Variants in DPP3 observed in about 807,000 individuals in gnomAD.
The protein encoded by DPP3 is dipeptidyl peptidase 3, also known as DPP III.
DPP3 carries 64 observed loss-of-function variants against 89.8 expected under a neutral mutation model. The observed-to-expected ratio is 0.71, with a 90% CI of 0.58 to 0.88. The LOEUF (loss-of-function observed/expected upper bound fraction) is 0.88, where lower values mean the gene tolerates loss of function less well. DPP3 is among the 40% of genes least tolerant of loss of function. The probability of loss-of-function intolerance (pLI) is 0.00; values close to 1 mark genes in which losing one functional copy is unlikely to be tolerated. For missense variants in DPP3, 835 were observed against 972.5 expected (o/e 0.86, Z 1.88); for synonymous variants, 377 against 404.3 (o/e 0.93, Z 0.81).
intron 12 of DPP3, 90 bp from the exon 13 acceptor site, chr11:66,495,116 C>T: frequency 3.7e-6 from 6 of 1,601,808 alleles, no homozygotes; most frequent in Non-Finnish European, 5.1e-6. Flanking sequence ...CGCTTGCCTT[C>T]CTGAGCCACT....
At chr11:66,482,755 G>A (rs2134715652) in intron 2 of DPP3, among the ~76,000 whole-genome samples, 1 of 152,344 alleles carries the variant, frequency 6.6e-6, no homozygotes, top group Middle Eastern at 3.4e-3. Context: ...GAGATTCAGG[G>A]AAGGCAGAAG....
At position 66,500,173 on chromosome 11, in the gene DPP3, G is replaced by A. The variant is rs1855644722; in HGVS notation, c.1878+2696G>A. Among the ~76,000 whole-genome samples, 2 of 152,226 alleles carry A rather than the reference G, an allele frequency of 1.3e-5. 1 individual carries two copies. The highest frequency in any genetic ancestry group is 3.9e-4 in the East Asian group (2 of 5,178). ...GTTCGAGACCAGCCTGGCCAACATGGTGAAACCTGTCTCTACCAAAAACAT... is the reference window on the plus strand; with the variant it reads ...GTTCGAGACCAGCCTGGCCAACATGATGAAACCTGTCTCTACCAAAAACAT... On this transcript the variant is annotated intron_variant, in intron 16 of 17. Transcript: ENST00000531863.
At chr11:66,503,535 TAGTC>T (rs1052949861) in intron 16 of DPP3, among the ~76,000 whole-genome samples, 19 of 152,288 alleles carry the variant, frequency 1.2e-4, no homozygotes, top group African/African-American at 4.3e-4. Flanking sequence ...CAGAGTGTCT[TAGTC>T]TGTCTTGTGC....
At position 66,491,239 on chromosome 11, in the gene DPP3, C is replaced by G. The variant is rs758296404; in HGVS notation, c.668-14C>G. 6.2e-7 allele frequency: 1 copy of G among 1,612,496 alleles called. No individual in the cohort carries two copies. Among genetic ancestry groups the G allele is most frequent in the African/African-American group, 1.3e-5 (1 of 74,964 alleles). On this transcript the variant is annotated splice_polypyrimidine_tract_variant and intron_variant, in intron 6 of 17. Coordinates refer to ENST00000531863, the MANE Select transcript of DPP3 (RefSeq NM_130443.4). Reference sequence around the variant, plus strand: ...CTCCAGCCTTTTCTCTTGAATGACACCTTCTTTCCCCAGAGCCTTCCCTGG... The same window carrying G: ...CTCCAGCCTTTTCTCTTGAATGACAGCTTCTTTCCCCAGAGCCTTCCCTGG...
intron 17 of DPP3, 105 bp from the exon 18 acceptor site, chr11:66,508,974 G>C: frequency 6.9e-7 from 1 of 1,449,314 alleles, no homozygotes; most frequent in Non-Finnish European, 9.3e-7. Context: ...GCAGAGCTCA[G>C]TAAGAAACAG....
rs750216926 is a variant in DPP3, at chr11:66,482,482, T to A, written c.270+12T>A. On this transcript the variant is annotated intron_variant, in intron 2 of 17. Transcript: ENST00000531863. ...AGGAGGAGTATCAGGTCAGTTCTCT[T>A]GGGCCAACCCACATTACCTGAGTGG... 4 of 1,599,742 alleles carry A rather than the reference T, an allele frequency of 2.5e-6. No individual in the cohort carries two copies. In the African/African-American group the frequency reaches 5.3e-5, roughly 21 times the overall value.
At chr11:66,480,653 G>C (rs1855048647) in intron 1 of DPP3, 188 bp downstream of exon 1, 2 of 595,632 alleles carry the variant, frequency 3.4e-6, no homozygotes, top group South Asian at 7.5e-5. Flanking sequence ...CGAACCTCGA[G>C]GCTGTGCTAT....
At chr11:66,482,506 G>A (rs768800260) in intron 2 of DPP3, 36 bp downstream of exon 2, 1 of 1,586,416 alleles carries the variant, frequency 6.3e-7, no homozygotes, top group Non-Finnish European at 8.6e-7. Context: ...TTACCTGAGT[G>A]GCTTCTGGGT....
intron 9 of DPP3, chr11:66,492,336 G>A (rs1855415439): frequency 5.1e-6 from 1 of 196,016 alleles, no homozygotes; most frequent in Non-Finnish European, 1.0e-5. Context: ...CATCCAGCCT[G>A]AGGATTCAGC....
chr11:66,507,129 A>T (rs1855821168), intron 17 of DPP3, among the ~76,000 whole-genome samples: 3 of 151,958 alleles, frequency 2.0e-5, no homozygotes, highest in Non-Finnish European at 4.4e-5. Context: ...AGGGATCCGG[A>T]GGTGATCACA....
intron 16 of DPP3, among the ~76,000 whole-genome samples, chr11:66,502,033 A>G (rs1330280245): frequency 1.3e-5 from 2 of 151,728 alleles, no homozygotes; most frequent in African/African-American, 4.8e-5. Flanking sequence ...TCTCTACTAA[A>G]AATACAAAAA....
At chr11:66,505,387 T>C (rs1481022500) in intron 17 of DPP3, among the ~76,000 whole-genome samples, 3 of 152,210 alleles carry the variant, frequency 2.0e-5, no homozygotes, top group Admixed American at 6.5e-5. Flanking sequence ...ATGTGTGTTA[T>C]GGAGAGGTTA....
chr11:66,503,704 G>A (rs1158628257), intron 16 of DPP3, among the ~76,000 whole-genome samples: 1 of 152,126 alleles, frequency 6.6e-6, no homozygotes, highest in East Asian at 1.9e-4. Context: ...TGGCTAACAT[G>A]GTGAAATCCC....
rs1184922089 is a variant in DPP3, at chr11:66,509,241, G to A, written c.2204G>A (p.Gly735Asp). Reference protein sequence around the residue: ...FWKGPSEAPSGQA With the variant: ...FWKGPSEAPSDQA Reference sequence around the variant, plus strand: ...AAGGGCCCCAGTGAGGCCCCATCTGGCCAAGCTTGAGGAAGATGTGTGGCC... The same window carrying A: ...AAGGGCCCCAGTGAGGCCCCATCTGACCAAGCTTGAGGAAGATGTGTGGCC... Residue 735 changes from glycine (G) to aspartate (D), a missense_variant, in exon 18 of 18, where the codon GGC becomes GAC. Transcript: ENST00000531863. The A allele has an allele frequency of 6.2e-7, 1 of 1,610,144 alleles. No homozygotes were observed. Among genetic ancestry groups the A allele is most frequent in the African/African-American group, 1.3e-5 (1 of 74,864 alleles).
rs758716132 is a variant in DPP3, at chr11:66,497,454, G to C, written c.1855G>C (p.Glu619Gln). The C allele has an allele frequency of 1.9e-6, 3 of 1,613,854 alleles. No homozygotes were observed. The highest frequency in any genetic ancestry group is 3.3e-5 in the Admixed American group (2 of 60,018). ...CCGGTCTGTGGGCAAGCCTGCTCTA[G>C]AGCGCTTCCTGCGGAGACTTCAGGT... ...KIRSVGKPAL[E>Q]RFLRRLQVLK... Residue 619 changes from glutamate to glutamine, a missense_variant, in exon 16 of 18, where the codon GAG (glutamate) becomes CAG (glutamine). By Grantham distance (29) the Glu-to-Gln change is conservative (BLOSUM62 2). Coordinates refer to ENST00000531863, the MANE Select transcript of DPP3 (RefSeq NM_130443.4).
At chr11:66,498,118 G>A (rs1337386754) in intron 16 of DPP3, among the ~76,000 whole-genome samples, 3 of 147,306 alleles carry the variant, frequency 2.0e-5, no homozygotes. Context: ...TTTTGAGACA[G>A]GGTCTCGCTC....
chr11:66,481,579 G>A (rs1375772226), intron 1 of DPP3, among the ~76,000 whole-genome samples: 2 of 152,150 alleles, frequency 1.3e-5, no homozygotes, highest in Non-Finnish European at 2.9e-5. Flanking sequence ...TCCATTGTGG[G>A]ATTAGGCAAG....
chr11:66,509,164 C>G lies in DPP3; in HGVS notation c.2127C>G (p.Pro709=), dbSNP rs1173834755. ...SFSERFPEDG[P]ELEEILTQLA... ...CTGAGCGTTTCCCAGAGGATGGACC[C>G]GAGTTGGAGGAGATCCTCACACAGC... Residue 709 remains proline, a synonymous_variant, in exon 18 of 18, where the codon CCC becomes CCG. Transcript: ENST00000531863. 1.9e-6 allele frequency: 3 copies of G among 1,614,200 alleles called. No individual in the cohort carries two copies. Among genetic ancestry groups the G allele is most frequent in the South Asian group, 2.2e-5 (2 of 91,084 alleles).
Position 66,493,198 on chromosome 11 carries a change from A to C in DPP3, c.1296+19A>C. The C allele has an allele frequency of 1.2e-6, 2 of 1,607,184 alleles. No homozygotes were observed. The highest frequency in any genetic ancestry group is 1.7e-6 in the Non-Finnish European group (2 of 1,175,708). On this transcript the variant is annotated intron_variant, in intron 11 of 17. Coordinates refer to ENST00000531863, the MANE Select transcript of DPP3 (RefSeq NM_130443.4). The stretch of plus-strand genomic sequence containing the variant: ...TGACAAGGTGGGCGCCAGCAGTCGG[A>C]GGGTCGGGGCTGGGCCTCACCTTCC...
Sources: gnomAD v4.1 joint callset for allele counts (sites outside exome capture counted in the v4.1 genomes callset) on GRCh38, gnomAD v4.1.1 for gene constraint, MANE v1.5 for transcripts, NCBI Gene and HGNC (gene_info 2026-07-23, HGNC 2026-07-21) for gene names.